The following XPO4 variants were observed in gnomAD, a reference collection of about 807,000 sequenced individuals.
XPO4 encodes exportin 4, also known as exportin-4.
In XPO4, 39 loss-of-function variants were observed where a neutral mutation model predicts 143.0. The ratio of observed to expected loss-of-function variants is 0.27; its 90% confidence interval spans 0.21 to 0.36. The LOEUF (loss-of-function observed/expected upper bound fraction) is 0.36, where lower values mean the gene tolerates loss of function less well. Ranked by LOEUF, XPO4 falls within the 10% of genes least tolerant of loss-of-function variation. The probability of loss-of-function intolerance (pLI) is 1.00; values close to 1 mark genes in which losing one functional copy is unlikely to be tolerated. For missense variants in XPO4, 907 were observed against 1,348.0 expected (o/e 0.67, Z 5.12); for synonymous variants, 439 against 474.0 (o/e 0.93, Z 0.96).
At chr13:20,836,128 G>A (rs550657261) in intron 6 of XPO4, among the ~76,000 whole-genome samples, 5 of 152,216 alleles carry the variant, frequency 3.3e-5, no homozygotes, top group South Asian at 2.1e-4. Context: ...ATTTTTGACC[G>A]CATGGGGGTT....
chr13:20,827,343 G>A (rs2059797477), intron 6 of XPO4, among the ~76,000 whole-genome samples, 164 bp from the exon 7 acceptor site: 2 of 152,138 alleles, frequency 1.3e-5, no homozygotes, highest in African/African-American at 4.8e-5. Flanking sequence ...GGAATAGAAG[G>A]CATTAAGTGC....
intron 1 of XPO4, among the ~76,000 whole-genome samples, chr13:20,886,471 T>C (rs2060462551): frequency 1.3e-5 from 2 of 151,692 alleles, no homozygotes; most frequent in South Asian, 4.2e-4. Flanking sequence ...AAATTAGTTG[T>C]AGTGGTGACT....
At chr13:20,837,944 G>A (rs1049306463) in intron 6 of XPO4, among the ~76,000 whole-genome samples, 9 of 152,012 alleles carry the variant, frequency 5.9e-5, no homozygotes, top group African/African-American at 2.2e-4. Flanking sequence ...ATTTGGGTGG[G>A]GACACAGAGT....
rs1232047413 is a variant in XPO4, at chr13:20,778,187, A to T, written c.*5535T>A. 2.6e-5 allele frequency: 4 copies of T among 152,226 alleles called. No individual in the cohort carries two copies. The highest frequency in any genetic ancestry group is 7.2e-5 in the African/African-American group (3 of 41,466). 9.4% of individuals were successfully genotyped at this position (152,226 alleles called of 1,614,324 possible). On this transcript the variant is annotated 3_prime_UTR_variant, in exon 23 of 23. Coordinates refer to ENST00000255305, the MANE Select transcript of XPO4 (RefSeq NM_022459.5). ...TGAAATCATCTGTGGGTCTCAAATG[A>T]CAGATGATTAGCCTGTGTGTATGGC...
At chr13:20,824,270 T>C (rs1207140709) in intron 7 of XPO4, among the ~76,000 whole-genome samples, 1 of 152,212 alleles carries the variant, frequency 6.6e-6, no homozygotes, top group Non-Finnish European at 1.5e-5. Context: ...TATAAGTTCT[T>C]TATCCGAAAT....
chr13:20,840,736 T>C (rs911112364), intron 6 of XPO4, among the ~76,000 whole-genome samples: 12 of 152,212 alleles, frequency 7.9e-5, no homozygotes, highest in African/African-American at 2.2e-4. Flanking sequence ...TTAATCTCAC[T>C]GCCAAGTTCT....
intron 9 of XPO4, among the ~76,000 whole-genome samples, chr13:20,813,588 T>C (rs927743331): frequency 2.0e-5 from 3 of 152,146 alleles, no homozygotes; most frequent in Non-Finnish European, 2.9e-5. Flanking sequence ...TCGGAAAAAT[T>C]TGACACTACT....
chr13:20,865,737 A>C (rs2060239298), intron 2 of XPO4: 4 of 306,526 alleles, frequency 1.3e-5, no homozygotes, highest in Non-Finnish European at 1.9e-5. Context: ...CAGCTACTAC[A>C]ATCAACTCTC....
Position 20,780,798 on chromosome 13 carries a change from C to T in XPO4, c.*2924G>A, listed in dbSNP as rs2059133387. On this transcript the variant is annotated 3_prime_UTR_variant, in exon 23 of 23. Transcript: ENST00000255305. Reference sequence around the variant, plus strand: ...ACCCAAATAATGGTGCTGGAAAGGACACTGTCAAATACTGTCAGGTAGTTT... The same window carrying T: ...ACCCAAATAATGGTGCTGGAAAGGATACTGTCAAATACTGTCAGGTAGTTT... The T allele has an allele frequency of 1.3e-5, 2 of 152,192 alleles. No individual in the cohort carries two copies. The highest frequency in any genetic ancestry group is 6.5e-5 in the Admixed American group (1 of 15,274). The allele number at this position is 152,192 out of a possible 1,614,324, so 9.4% of individuals were successfully genotyped here. A position where few individuals can be genotyped will look rare whatever the true frequency, so the allele number is the denominator to read the frequency against.
At chr13:20,862,197 T>TA (rs2060207688) in intron 3 of XPO4, among the ~76,000 whole-genome samples, 1 of 152,180 alleles carries the variant, frequency 6.6e-6, no homozygotes, top group African/African-American at 2.4e-5. Flanking sequence ...TATCAATACT[T>TA]ACCATTTTTC....
chr13:20,894,108 C>T (rs1350005299), intron 1 of XPO4, among the ~76,000 whole-genome samples: 1 of 152,168 alleles, frequency 6.6e-6, no homozygotes. Flanking sequence ...TCCCAAAGTG[C>T]TGGGATTACA....
chr13:20,822,363 G>A (rs2059731507), intron 7 of XPO4, 74 bp from the exon 8 acceptor site: 1 of 1,310,100 alleles, frequency 7.6e-7, no homozygotes, highest in Non-Finnish European at 1.0e-6. Context: ...CATGCCGAAT[G>A]AGGTAAGACA....
chr13:20,799,033 A>AG, intron 16 of XPO4, 132 bp downstream of exon 16: 1 of 992,520 alleles, frequency 1.0e-6, no homozygotes, highest in South Asian at 2.7e-5. Flanking sequence ...AAAAAAAAAA[A>AG]AAAGAAAGAA....
At chr13:20,836,610 T>C (rs540437416) in intron 6 of XPO4, among the ~76,000 whole-genome samples, 17 of 152,286 alleles carry the variant, frequency 1.1e-4, no homozygotes, top group Admixed American at 2.6e-4. Context: ...AATGGTGCAG[T>C]TGACCTGTGT....
intron 18 of XPO4, among the ~76,000 whole-genome samples, chr13:20,793,701 C>T (rs1447838052): frequency 2.0e-5 from 3 of 152,078 alleles, no homozygotes; most frequent in Non-Finnish European, 4.4e-5. Context: ...CTACAGGTGC[C>T]CACCACCACC....
At chr13:20,892,457 T>G (rs1359917791) in intron 1 of XPO4, among the ~76,000 whole-genome samples, 4 of 152,170 alleles carry the variant, frequency 2.6e-5, no homozygotes, top group Non-Finnish European at 5.9e-5. Context: ...CCAGCCTCTA[T>G]TTCCCTAGTC....
At position 20,789,471 on chromosome 13, in the gene XPO4, T is replaced by G. The variant is rs189982873; in HGVS notation, c.2917-855A>C. Among the ~76,000 whole-genome samples, 16 of 150,566 alleles carry G rather than the reference T, an allele frequency of 1.1e-4. No individual in the cohort carries two copies. The East Asian group carries it at 3.2e-3, about 30-fold the overall frequency. On this transcript the variant is annotated intron_variant, in intron 19 of 22. Transcript: ENST00000255305. Reference sequence around the variant, plus strand: ...GTGCAGTGGCACAATCTTGGCTCACTGCAAGCTCCGCCTCCCGGGTTCACG... The same window carrying G: ...GTGCAGTGGCACAATCTTGGCTCACGGCAAGCTCCGCCTCCCGGGTTCACG...
chr13:20,891,331 C>G (rs551436082), intron 1 of XPO4, among the ~76,000 whole-genome samples: 21 of 152,012 alleles, frequency 1.4e-4, no homozygotes, highest in Admixed American at 1.0e-3. Flanking sequence ...TAGTGTTACT[C>G]TAGAAGAAAT....
chr13:20,886,358 T>TCCCAG (rs1211646466), intron 1 of XPO4, among the ~76,000 whole-genome samples: 1 of 152,134 alleles, frequency 6.6e-6, no homozygotes, highest in Non-Finnish European at 1.5e-5. Context: ...ACACCTGTAA[T>TCCCAG]CCCAGCACTT....
Sources: gnomAD v4.1 joint callset for allele counts (sites outside exome capture counted in the v4.1 genomes callset) on GRCh38, gnomAD v4.1.1 for gene constraint, MANE v1.5 for transcripts, NCBI Gene and HGNC (gene_info 2026-07-23, HGNC 2026-07-21) for gene names.